The following PCARE variants were observed in gnomAD, a reference collection of about 807,000 sequenced individuals.
The protein encoded by PCARE is uncharacterized protein C2orf71.
A neutral mutation model predicts 82.2 loss-of-function variants in PCARE; 72 were observed. That is an observed-to-expected ratio of 0.88 (90% CI 0.72 to 1.07). PCARE has a LOEUF of 1.07. Ranked by LOEUF, PCARE falls within the 50% of genes least tolerant of loss-of-function variation. The probability of loss-of-function intolerance (pLI) is 0.00; values close to 1 mark genes in which losing one functional copy is unlikely to be tolerated. For synonymous variants in PCARE, 705 were observed against 634.8 expected (o/e 1.11, Z -1.66); for missense variants, 1,768 against 1,592.4 (o/e 1.11, Z -1.88).
intron 1 of PCARE, among the ~76,000 whole-genome samples, chr2:29,067,950 G>C (rs1405508828): frequency 1.3e-5 from 2 of 152,218 alleles, no homozygotes; most frequent in African/African-American, 2.4e-5. Flanking sequence ...TGAGGAGAAG[G>C]CTGAGAGAAG....
In PCARE at chr2:29,072,317, C is replaced by G. The variant is rs376195796; in HGVS notation, c.1945G>C (p.Val649Leu). 1.7e-5 allele frequency: 28 copies of G among 1,614,154 alleles called. No individual in the cohort carries two copies. In the East Asian group the frequency reaches 3.3e-4, roughly 19 times the overall value. ...EQILQPRAAAVWPNGTCRVSP... is the reference protein window; with the variant it reads ...EQILQPRAAALWPNGTCRVSP... ...ACCCTGCAGGTGCCATTGGGCCACACGGCGGCTGCTCTGGGCTGCAGAATT... is the reference window on the plus strand; with the variant it reads ...ACCCTGCAGGTGCCATTGGGCCACAGGGCGGCTGCTCTGGGCTGCAGAATT... The change falls in exon 1 of 2, where the codon GTG becomes CTG. Residue 649 changes from valine to leucine, a missense_variant. By Grantham distance (32) the Val-to-Leu change is conservative. Coordinates refer to ENST00000331664, the MANE Select transcript of PCARE (RefSeq NM_001029883.3).
chr2:29,073,741 A>C lies in PCARE; in HGVS notation c.521T>G (p.Val174Gly). ...IHPAHEPEGK[V>G]DFPEPLVKAH... ...CTTTACCAGAGGCTCCGGGAAGTCCACTTTGCCTTCAGGCTCATGAGCAGG... is the reference window on the plus strand; with the variant it reads ...CTTTACCAGAGGCTCCGGGAAGTCCCCTTTGCCTTCAGGCTCATGAGCAGG... Residue 174 changes from valine (V) to glycine (G), a missense_variant, in exon 1 of 2, where the codon GTG becomes GGG. Transcript: ENST00000331664. 17 of 1,614,174 alleles carry C rather than the reference A, an allele frequency of 1.1e-5. No individual in the cohort carries two copies. The highest frequency in any genetic ancestry group is 1.4e-5 in the Non-Finnish European group (17 of 1,180,028).
Position 29,071,033 on chromosome 2 carries a change from G to T in PCARE, c.3229C>A (p.His1077Asn). The change falls in exon 1 of 2, where the codon CAC (histidine) becomes AAC (asparagine). Residue 1077 changes from histidine (H) to asparagine (N), a missense_variant. Physicochemically the swap from His to Asn is moderately conservative, Grantham distance 68 (BLOSUM62 1). Transcript: ENST00000331664. ...QCKVPSPPTQ[H>N]PEASPPFSIP... Reference sequence around the variant, plus strand: ...GAGAAAGGGGGGCTTGCTTCTGGGTGCTGGGTTGGGGGGCTGGGGACCTTG... The same window carrying T: ...GAGAAAGGGGGGCTTGCTTCTGGGTTCTGGGTTGGGGGGCTGGGGACCTTG... The T allele has an allele frequency of 6.6e-7, 1 of 1,504,330 alleles. No homozygotes were observed. Among genetic ancestry groups the T allele is most frequent in the Non-Finnish European group, 9.0e-7 (1 of 1,113,926 alleles). The allele number at this position is 1,504,330 out of a possible 1,614,324, so 93.2% of individuals were successfully genotyped here.
At chr2:29,070,353 A>G (rs1667450211) in intron 1 of PCARE, among the ~76,000 whole-genome samples, 9 of 152,036 alleles carry the variant, frequency 5.9e-5, no homozygotes, top group Admixed American at 5.9e-4. Context: ...TTAATACAGC[A>G]GGGCCTCTTT....
In PCARE at chr2:29,065,133, CT is replaced by C; in HGVS notation, c.3669-67del. 8 of 1,503,806 alleles carry C rather than the reference CT, an allele frequency of 5.3e-6. No homozygotes were observed. In the South Asian group the frequency reaches 7.2e-5, roughly 14 times the overall value. 93.2% of individuals were successfully genotyped at this position (1,503,806 alleles called of 1,614,324 possible). A position where few individuals can be genotyped will look rare whatever the true frequency, so the allele number is the denominator to read the frequency against. On this transcript the variant is annotated intron_variant, in intron 1 of 1. Coordinates refer to ENST00000331664, the MANE Select transcript of PCARE (RefSeq NM_001029883.3). ...TCTGCTGCTCCTTCCTGCCCCACCCCTGTCCTCCATTCTCCCTTTCTGTCCC... is the reference window on the plus strand; with the variant it reads ...TCTGCTGCTCCTTCCTGCCCCACCCCGTCCTCCATTCTCCCTTTCTGTCCC...
Position 29,071,667 on chromosome 2 carries a change from T to C in PCARE, c.2595A>G (p.Pro865=), listed in dbSNP as rs896711583. Residue 865 remains proline (P), a synonymous_variant, in exon 1 of 2, where the codon CCA becomes CCG. Coordinates refer to ENST00000331664, the MANE Select transcript of PCARE (RefSeq NM_001029883.3). ...TENSPKETQE[P]GPGEAGPTRR... is the part of the protein sequence containing the mutation. ...TGGTGGGGCCAGCCTCTCCCGGCCC[T>C]GGCTCCTGGGTTTCCTTGGGGGAGT... The C allele has an allele frequency of 3.1e-6, 5 of 1,613,894 alleles. No homozygotes were observed. In the African/African-American group the frequency reaches 6.7e-5, roughly 22 times the overall value.
chr2:29,071,093 G>A lies in PCARE; in HGVS notation c.3169C>T (p.Pro1057Ser), dbSNP rs1354783566. 4 of 1,597,198 alleles carry A rather than the reference G, an allele frequency of 2.5e-6. No homozygotes were observed. Among genetic ancestry groups the A allele is most frequent in the Non-Finnish European group, 3.4e-6 (4 of 1,171,456 alleles). The stretch of plus-strand genomic sequence containing the variant: ...GGTGCACTCTCGGGGGGAGGGTTGG[G>A]CAACTTGGGCTGGTGCGGTGGGGAA... ...RTSPPHQPKL[P>S]NPPPESAPAQ... The change falls in exon 1 of 2, where the codon CCC becomes TCC. Residue 1057 changes from proline (P) to serine (S), a missense_variant. Transcript: ENST00000331664.
In PCARE at chr2:29,074,113, CA is replaced by C. The variant is rs1302210262; in HGVS notation, c.148del (p.Cys50AlafsTer43). On this transcript the variant is annotated frameshift_variant, in exon 1 of 2. Coordinates refer to ENST00000331664, the MANE Select transcript of PCARE (RefSeq NM_001029883.3). LOFTEE classifies it high-confidence loss of function. ...TGCCAGGCCCTCCCCAGCGTCATAG[CA>C]GGTGGAGTTTTTAACCAGCAAAGGG... ...SIPLLVKNSTCYDAGEGLAEE... is the reference protein window; with the variant it reads ...SIPLLVKNSTXYDAGEGLAEE... 1 of 1,614,158 alleles carries C rather than the reference CA, an allele frequency of 6.2e-7. No homozygotes were observed. Among genetic ancestry groups the C allele is most frequent in the Non-Finnish European group, 8.5e-7 (1 of 1,180,006 alleles).
chr2:29,068,271 G>T (rs1667419627), intron 1 of PCARE, among the ~76,000 whole-genome samples: 1 of 152,152 alleles, frequency 6.6e-6, no homozygotes, highest in Admixed American at 6.5e-5. Context: ...CAAGTGGCTG[G>T]GGAAGTTTAT....
In PCARE at chr2:29,071,934, A is replaced by AG; in HGVS notation, c.2327dup (p.Leu777PhefsTer34). ...GAGAAATTTGGGGCTTCGGATACAAAGGGGCAAGCCCTGTGTACTTGGGAA... is the reference window on the plus strand; with the variant it reads ...GAGAAATTTGGGGCTTCGGATACAAAGGGGGCAAGCCCTGTGTACTTGGGAA... On this transcript the variant is annotated frameshift_variant, in exon 1 of 2. Coordinates refer to ENST00000331664, the MANE Select transcript of PCARE (RefSeq NM_001029883.3). LOFTEE classifies it high-confidence loss of function. 4.3e-6 allele frequency: 7 copies of AG among 1,614,194 alleles called. No homozygotes were observed. Among genetic ancestry groups the AG allele is most frequent in the Non-Finnish European group, 5.9e-6 (7 of 1,180,014 alleles).
At chr2:29,070,542 T>C in intron 1 of PCARE, 52 bp downstream of exon 1, 1 of 1,610,580 alleles carries the variant, frequency 6.2e-7, no homozygotes, top group Non-Finnish European at 8.5e-7. Flanking sequence ...ATTCGCTCTG[T>C]TCCTCTCTAG....
intron 1 of PCARE, 86 bp downstream of exon 1, chr2:29,070,508 G>A: frequency 6.4e-7 from 1 of 1,571,146 alleles, no homozygotes; most frequent in Non-Finnish European, 8.7e-7. Flanking sequence ...GAAAACTACT[G>A]AGACCCAGAA....
rs1302159471 is a variant in PCARE at position 29,070,581 on chromosome 2, G to A, written c.3668+13C>T. ...AAGCCGCTGAAGGGCAGTGACCCCA[G>A]GACACTCCTTACCTGTTCTGGCCGA... On this transcript the variant is annotated intron_variant, in intron 1 of 1. Transcript: ENST00000331664. 6 of 1,613,730 alleles carry A rather than the reference G, an allele frequency of 3.7e-6. No homozygotes were observed. Among genetic ancestry groups the A allele is most frequent in the Non-Finnish European group, 5.1e-6 (6 of 1,179,848 alleles).
intron 1 of PCARE, among the ~76,000 whole-genome samples, chr2:29,066,703 A>G (rs1001015065): frequency 6.6e-5 from 10 of 152,234 alleles, no homozygotes; most frequent in African/African-American, 9.6e-5. Context: ...CATGGAGCCA[A>G]TCTCATCTGT....
At chr2:29,065,884 C>T (rs34328257) in intron 1 of PCARE, among the ~76,000 whole-genome samples, 43,534 of 152,160 alleles carry the variant, frequency 0.29, 6,593 homozygotes, top group East Asian at 0.48. Flanking sequence ...TGCTGGCTCA[C>T]ACCTGTAATC....
rs1246795133 is a variant in PCARE at position 29,073,976 on chromosome 2, T to A, written c.286A>T (p.Thr96Ser). The change falls in exon 1 of 2, where the codon ACC (threonine) becomes TCC (serine). Residue 96 changes from threonine (T) to serine (S), a missense_variant. Coordinates refer to ENST00000331664, the MANE Select transcript of PCARE (RefSeq NM_001029883.3). ...TTCAGCTGGGATGAAGAGGTTTTGG[T>A]TCCTGGGATCAGTCCTTCCATATCT... is the stretch of plus-strand genomic sequence containing the variant. The part of the protein sequence containing the change: ...RKDMEGLIPG[T>S]KTSSSQLNKS... 1.2e-6 allele frequency: 2 copies of A among 1,614,218 alleles called. No individual in the cohort carries two copies. Among genetic ancestry groups the A allele is most frequent in the Admixed American group, 3.3e-5 (2 of 60,028 alleles).
chr2:29,069,008 T>A (rs568929312), intron 1 of PCARE, among the ~76,000 whole-genome samples: 3 of 152,334 alleles, frequency 2.0e-5, no homozygotes, highest in African/African-American at 4.8e-5. Context: ...ATCATAATAC[T>A]AAGATGTCAC....
In PCARE at chr2:29,070,767, G is replaced by C. The variant is rs1458149233; in HGVS notation, c.3495C>G (p.Asn1165Lys). The C allele has an allele frequency of 1.9e-6, 3 of 1,614,018 alleles. No homozygotes were observed. Among genetic ancestry groups the C allele is most frequent in the Non-Finnish European group, 2.5e-6 (3 of 1,180,042 alleles). ...PLGNPAECWK[N>K]SSGPWLRADS... ...CTGCTCTCAGCCAAGGCCCTGAGCT[G>C]TTCTTCCAGCATTCTGCTGGGTTCC... Residue 1165 changes from asparagine to lysine, a missense_variant, in exon 1 of 2, where the codon AAC becomes AAG. Asn to Lys is a moderately conservative substitution (Grantham distance 94, BLOSUM62 0). Coordinates refer to ENST00000331664, the MANE Select transcript of PCARE (RefSeq NM_001029883.3).
In PCARE at chr2:29,065,164, C is replaced by G. The variant is rs556481468; in HGVS notation, c.3669-97G>C. Reference sequence around the variant, plus strand: ...TCCATTCTCCCTTTCTGTCCCTCCCCAGCCCTCTCCCACAAGCCTGTTCAC... The same window carrying G: ...TCCATTCTCCCTTTCTGTCCCTCCCGAGCCCTCTCCCACAAGCCTGTTCAC... On this transcript the variant is annotated intron_variant, in intron 1 of 1. Coordinates refer to ENST00000331664, the MANE Select transcript of PCARE (RefSeq NM_001029883.3). The G allele has an allele frequency of 1.3e-4, 174 of 1,364,706 alleles. 2 individuals are homozygous for G. The South Asian group carries it at 2.0e-3, about 16-fold the overall frequency. The allele number at this position is 1,364,706 out of a possible 1,614,324, so 84.5% of individuals were successfully genotyped here. A position where few individuals can be genotyped will look rare whatever the true frequency, so the allele number is the denominator to read the frequency against.
Sources: allele counts gnomAD v4.1 joint callset (sites outside exome capture counted in the v4.1 genomes callset), GRCh38; gene constraint gnomAD v4.1.1; transcripts MANE v1.5; gene names NCBI Gene and HGNC (gene_info 2026-07-23, HGNC 2026-07-21).